The following RNF216 variants were observed in gnomAD, a reference collection of about 807,000 sequenced individuals.
RNF216 encodes the protein ring finger protein 216.
Under a neutral mutation model 110.8 loss-of-function variants are expected in RNF216, and 72 were observed. The ratio of observed to expected loss-of-function variants is 0.65; its 90% CI spans 0.54 to 0.79. RNF216 has a LOEUF of 0.79. RNF216 is among the 30% of genes least tolerant of loss of function. RNF216 has a pLI of 0.00. For synonymous variants in RNF216, 495 were observed against 407.5 expected, an observed-to-expected ratio of 1.21 and a Z score of -2.59; for missense variants, 1,342 against 1,141.2, an observed-to-expected ratio of 1.18 and a Z score of -2.54.
intron 5 of RNF216, among the ~76,000 whole-genome samples, chr7:5,738,480 G>A (rs370504464): frequency 9.2e-5 from 14 of 152,168 alleles, no homozygotes; most frequent in East Asian, 5.8e-4. Context: ...AGGCCGAGGC[G>A]GGTGGATCAC....
At chr7:5,658,587 G>A (rs148315378) in intron 13 of RNF216, among the ~76,000 whole-genome samples, 372 of 150,942 alleles carry the variant, frequency 2.5e-3, no homozygotes, top group Admixed American at 4.2e-3. Context: ...AGCCTGGGAG[G>A]TGGAGGTTGC....
At chr7:5,751,578 C>G (rs905477900) in intron 3 of RNF216, among the ~76,000 whole-genome samples, 4 of 152,078 alleles carry the variant, frequency 2.6e-5, no homozygotes, top group Non-Finnish European at 5.9e-5. Context: ...TGCTTTAATT[C>G]TTACACAGGA....
intron 13 of RNF216, among the ~76,000 whole-genome samples, chr7:5,668,258 C>T (rs1047260336): frequency 1.3e-5 from 2 of 150,174 alleles, no homozygotes; most frequent in African/African-American, 2.5e-5. Flanking sequence ...AGTCTCGCTC[C>T]GTTGGCCCCG....
chr7:5,777,305 C>T (rs534694060), intron 1 of RNF216, among the ~76,000 whole-genome samples: 1 of 152,310 alleles, frequency 6.6e-6, no homozygotes, highest in South Asian at 2.1e-4. Flanking sequence ...TTCTATGAAG[C>T]AGTAAGTATT....
intron 14 of RNF216, chr7:5,649,951 C>G (rs1041868184): frequency 7.2e-5 from 11 of 152,184 alleles, no homozygotes; most frequent in African/African-American, 2.7e-4. Flanking sequence ...TTATGTCGTT[C>G]AATAGGATAA....
intron 14 of RNF216, among the ~76,000 whole-genome samples, chr7:5,651,641 T>C (rs1042716981): frequency 6.7e-6 from 1 of 148,814 alleles, no homozygotes; most frequent in African/African-American, 2.6e-5. Flanking sequence ...ACTTCGGTCA[T>C]TGCATTCTTT....
At chr7:5,769,636 A>G (rs1259534312) in intron 1 of RNF216, among the ~76,000 whole-genome samples, 2 of 151,920 alleles carry the variant, frequency 1.3e-5, no homozygotes, top group South Asian at 2.1e-4. Context: ...GGGAGGGAGG[A>G]CTGCTTGAGC....
intron 13 of RNF216, among the ~76,000 whole-genome samples, chr7:5,694,708 C>T (rs1314222830): frequency 6.6e-6 from 1 of 152,184 alleles, no homozygotes. Context: ...TGCCCTTCAG[C>T]CTATGGAAAG....
At chr7:5,623,646 C>A (rs1346771659) in intron 16 of RNF216, among the ~76,000 whole-genome samples, 2 of 152,006 alleles carry the variant, frequency 1.3e-5, no homozygotes, top group Non-Finnish European at 1.5e-5. Flanking sequence ...TTTGCCCAGG[C>A]TAGCCCCAAC....
chr7:5,649,081 A>C (rs1788224087), intron 14 of RNF216, among the ~76,000 whole-genome samples: 1 of 152,162 alleles, frequency 6.6e-6, no homozygotes. Context: ...AGCAGTTTAA[A>C]AACAAGAAAG....
At chr7:5,742,784 C>T (rs1039163633) in intron 3 of RNF216, among the ~76,000 whole-genome samples, 22 of 151,016 alleles carry the variant, frequency 1.5e-4, no homozygotes, top group African/African-American at 5.4e-4. Context: ...TTGTTAGAGA[C>T]AGGGTTTTGC....
At chr7:5,631,438 T>C (rs542089273) in intron 15 of RNF216, among the ~76,000 whole-genome samples, 2 of 152,294 alleles carry the variant, frequency 1.3e-5, no homozygotes, top group Non-Finnish European at 1.5e-5. Flanking sequence ...TGAGAGGCTG[T>C]AGTGCCTCCC....
chr7:5,658,561 G>A (rs976928893), intron 13 of RNF216, among the ~76,000 whole-genome samples: 1 of 139,828 alleles, frequency 7.2e-6, no homozygotes, highest in Non-Finnish European at 1.5e-5. Context: ...GGGAGGCTGA[G>A]GGGGAGGATT....
At chr7:5,683,392 C>G (rs1025140303) in intron 13 of RNF216, among the ~76,000 whole-genome samples, 1 of 152,118 alleles carries the variant, frequency 6.6e-6, no homozygotes, top group Admixed American at 6.5e-5. Context: ...GCTTCCAACT[C>G]TATTTTCCTG....
intron 16 of RNF216, among the ~76,000 whole-genome samples, chr7:5,623,502 G>A (rs1457137104): frequency 1.3e-5 from 2 of 148,780 alleles, no homozygotes; most frequent in Non-Finnish European, 3.0e-5. Context: ...GTTTTGCCAT[G>A]TTGCCCGGGC....
chr7:5,751,129 T>C lies in RNF216; in HGVS notation c.201+1717A>G, dbSNP rs551490731. ...TGTGCTGTGCACCCTCAGAAAGTTT[T>C]AAATGTTTCCATACAGCTACCTGTC... On this transcript the variant is annotated intron_variant, in intron 3 of 16. Coordinates refer to ENST00000389902, the MANE Select transcript of RNF216 (RefSeq NM_207111.4). Among the ~76,000 whole-genome samples, 5 of 152,296 alleles carry C rather than the reference T, an allele frequency of 3.3e-5. No homozygotes were observed. The South Asian group carries it at 8.3e-4, about 25-fold the overall frequency.
intron 14 of RNF216, among the ~76,000 whole-genome samples, chr7:5,651,656 CT>C (rs11297322): frequency 0.19 from 27,420 of 145,390 alleles, 4,372 homozygotes; most frequent in African/African-American, 0.44. Context: ...TTCTTTTTTT[CT>C]TTTTTTTTTT....
At chr7:5,742,128 C>T (rs539344552) in intron 3 of RNF216, among the ~76,000 whole-genome samples, 1 of 152,306 alleles carries the variant, frequency 6.6e-6, no homozygotes, top group African/African-American at 2.4e-5. Context: ...CTCACTGCAA[C>T]CTCTGCCTCC....
At chr7:5,644,704 C>T (rs2128570458) in intron 14 of RNF216, among the ~76,000 whole-genome samples, 1 of 152,222 alleles carries the variant, frequency 6.6e-6, no homozygotes, top group South Asian at 2.1e-4. Context: ...TGGGTTTCAC[C>T]ATGTTGTCCA....
Sources: allele counts gnomAD v4.1 joint callset (sites outside exome capture counted in the v4.1 genomes callset), GRCh38; gene constraint gnomAD v4.1.1; transcripts MANE v1.5; gene names NCBI Gene and HGNC (gene_info 2026-07-23, HGNC 2026-07-21).